MAN2A2: variants seen among roughly 807,000 people sequenced by gnomAD.
The protein encoded by MAN2A2 is mannosidase alpha class 2A member 2, also known as alpha-mannosidase 2x.
Under a neutral mutation model 126.8 loss-of-function variants are expected in MAN2A2, and 79 were observed. The observed-to-expected ratio is 0.62, with a 90% CI of 0.52 to 0.75. MAN2A2 has a LOEUF of 0.75. Among genes scored for constraint, MAN2A2 ranks in the 30% least tolerant of loss-of-function variants. The probability of loss-of-function intolerance (pLI) is 0.00; values close to 1 mark genes in which losing one functional copy is unlikely to be tolerated. For synonymous variants in MAN2A2, 671 were observed against 618.7 expected (o/e 1.08, Z -1.25); for missense variants, 1,392 against 1,522.4 (o/e 0.91, Z 1.43).
At chr15:90,904,458 C>A in intron 2 of MAN2A2, 119 bp downstream of exon 2, 2 of 1,108,656 alleles carry the variant, frequency 1.8e-6, no homozygotes, top group Non-Finnish European at 2.5e-6. Context: ...CAGTACAGGA[C>A]AGGAGCCTTC....
In MAN2A2 at chr15:90,911,385, G is replaced by A; in HGVS notation, c.1944G>A (p.Arg648=). Residue 648 remains arginine (R), a splice_region_variant and synonymous_variant, in exon 14 of 23, where the codon AGG becomes AGA. Transcript: ENST00000559717. ...RTVIQLDSSP[R]FVVLFNPLEQ... is the part of the protein sequence containing the mutation. ...GGGTCAGCCCACCTTCTACGCACAG[G>A]TTTGTGGTCCTATTCAACCCACTGG... The A allele has an allele frequency of 6.2e-7, 1 of 1,614,214 alleles. No individual in the cohort carries two copies. The highest frequency in any genetic ancestry group is 8.5e-7 in the Non-Finnish European group (1 of 1,180,018).
intron 2 of MAN2A2, among the ~76,000 whole-genome samples, chr15:90,904,771 G>C (rs2034129845): frequency 6.6e-6 from 1 of 152,066 alleles, no homozygotes; most frequent in Non-Finnish European, 1.5e-5. Flanking sequence ...TGTATTTTTA[G>C]TAGAGACGAG....
chr15:90,916,093 C>T (rs373979535), intron 19 of MAN2A2, 30 bp from the exon 20 acceptor site: 63 of 1,604,528 alleles, frequency 3.9e-5, no homozygotes, highest in South Asian at 7.7e-5. Context: ...GGGGTGGGGG[C>T]GGGCCAGCAC....
At chr15:90,913,898 C>A in intron 19 of MAN2A2, 143 bp downstream of exon 19, 2 of 1,149,830 alleles carry the variant, frequency 1.7e-6, no homozygotes, top group South Asian at 1.7e-5. Context: ...GCAAGCCATT[C>A]AGAGCTCTTG....
chr15:90,918,283 A>AG lies in MAN2A2; in HGVS notation c.3085dup (p.Ala1029GlyfsTer23). The AG allele has an allele frequency of 6.2e-7, 1 of 1,614,138 alleles. No homozygotes were observed. The highest frequency in any genetic ancestry group is 8.5e-7 in the Non-Finnish European group (1 of 1,180,018). On this transcript the variant is annotated frameshift_variant, in exon 21 of 23. Coordinates refer to ENST00000559717, the MANE Select transcript of MAN2A2 (RefSeq NM_006122.4). LOFTEE classifies it high-confidence loss of function. The stretch of plus-strand genomic sequence containing the variant: ...ACGCCCCGGCGCTCGCTCTGCCTGT[A>AG]GCCAGGATGCAGCTCCCAGGCCCTG...
In MAN2A2 at chr15:90,907,125, C is replaced by A. The variant is rs1169385766; in HGVS notation, c.1010-184C>A. 4.9e-6 allele frequency: 4 copies of A among 813,420 alleles called. No individual in the cohort carries two copies. In the African/African-American group the frequency reaches 6.9e-5, roughly 14 times the overall value. 50.4% of individuals were successfully genotyped at this position (813,420 alleles called of 1,614,324 possible). A position where few individuals can be genotyped will look rare whatever the true frequency, so the allele number is the denominator to read the frequency against. ...GCTGTCCCAAGGGCTTCAGCGTGCC[C>A]TGTGTGCCCGTCCCCTGAGGGAGCC... On this transcript the variant is annotated intron_variant, in intron 7 of 22. Transcript: ENST00000559717.
At chr15:90,919,366 G>A (rs1296088481) in intron 22 of MAN2A2, among the ~76,000 whole-genome samples, 1 of 152,242 alleles carries the variant, frequency 6.6e-6, no homozygotes, top group Non-Finnish European at 1.5e-5. Flanking sequence ...AGCCTCCCGA[G>A]TAGCTGGGAT....
rs146996561 is a variant in MAN2A2, at chr15:90,912,116, G to A, written c.2183G>A (p.Arg728His). ...CTACAGCTGGGCCTGGATGGGCACC[G>A]CACGCTGCCCTCCTCTGTGCGCATC... ...LQLQLGLDGH[R>H]TLPSSVRIYL... Residue 728 changes from arginine (R) to histidine (H), a missense_variant, in exon 15 of 23, where the codon CGC (arginine) becomes CAC (histidine). Coordinates refer to ENST00000559717, the MANE Select transcript of MAN2A2 (RefSeq NM_006122.4). The A allele has an allele frequency of 1.1e-5, 17 of 1,613,494 alleles. No homozygotes were observed. The highest frequency in any genetic ancestry group is 3.3e-5 in the Admixed American group (2 of 60,008).
chr15:90,912,347 C>T (rs1455845806), intron 15 of MAN2A2, 68 bp downstream of exon 15: 4 of 1,581,848 alleles, frequency 2.5e-6, no homozygotes, highest in Non-Finnish European at 3.5e-6. Flanking sequence ...TGGCACTGTG[C>T]AGAGCGGCCT....
chr15:90,909,697 G>T (rs1052025251), intron 9 of MAN2A2, among the ~76,000 whole-genome samples, 193 bp downstream of exon 9: 2 of 150,022 alleles, frequency 1.3e-5, no homozygotes, highest in Non-Finnish European at 3.0e-5. Flanking sequence ...TCCGCCTCCC[G>T]GGTTCACGCC....
chr15:90,915,848 A>G (rs2151323838), intron 19 of MAN2A2: 2 of 412,010 alleles, frequency 4.9e-6, no homozygotes, highest in East Asian at 7.9e-5. Flanking sequence ...CCCGTTCCCT[A>G]CTCCTGAGTC....
Position 90,912,224 on chromosome 15 carries a change from C to A in MAN2A2, c.2291C>A (p.Ala764Asp). Residue 764 changes from alanine (A) to aspartate (D), a missense_variant, in exon 15 of 23, where the codon GCC becomes GAC. Transcript: ENST00000559717. ...ATTGACTCTGGCACCAGCGACTTCG[C>A]CCTCAGCAACCGCTACATGCAGGTC... ...RVIDSGTSDF[A>D]LSNRYMQVWF... The A allele has an allele frequency of 6.2e-7, 1 of 1,614,250 alleles. No individual in the cohort carries two copies. Among genetic ancestry groups the A allele is most frequent in the Non-Finnish European group, 8.5e-7 (1 of 1,180,046 alleles).
chr15:90,903,861 G>C, intron 1 of MAN2A2: 1 of 384,718 alleles, frequency 2.6e-6, no homozygotes, highest in South Asian at 2.1e-5. Context: ...AGAAGCACAT[G>C]GCCGAGGAGC....
chr15:90,905,725 T>A lies in MAN2A2; in HGVS notation c.535+2T>A, dbSNP rs1281070944. ...TGCCCCACTCTCACAATGACCCAGG[T>A]GAGGGCCCTGCAGACTCCTGGGAGC... On this transcript the variant is annotated splice_donor_variant, in intron 4 of 22. Coordinates refer to ENST00000559717, the MANE Select transcript of MAN2A2 (RefSeq NM_006122.4). LOFTEE classifies it high-confidence loss of function. 17 of 1,613,604 alleles carry A rather than the reference T, an allele frequency of 1.1e-5. No individual in the cohort carries two copies. The highest frequency in any genetic ancestry group is 1.3e-5 in the African/African-American group (1 of 74,874).
At chr15:90,904,527 A>C (rs896289510) in intron 2 of MAN2A2, among the ~76,000 whole-genome samples, 188 bp downstream of exon 2, 2 of 102,960 alleles carry the variant, frequency 1.9e-5, no homozygotes, top group African/African-American at 1.1e-4. Context: ...GGCGAAAAGA[A>C]GGAAGGAAGA....
rs193081956 is a variant in MAN2A2, at chr15:90,921,032, C to T, written c.*1245C>T. On this transcript the variant is annotated 3_prime_UTR_variant, in exon 23 of 23. Transcript: ENST00000559717. Reference sequence around the variant, plus strand: ...AGTGATGGCATTCTAAAGAGTCAGACGCCACAGGCATTCCCATTAAAGTCA... The same window carrying T: ...AGTGATGGCATTCTAAAGAGTCAGATGCCACAGGCATTCCCATTAAAGTCA... 9.2e-5 allele frequency: 14 copies of T among 152,310 alleles called. No homozygotes were observed. In the East Asian group the frequency reaches 1.2e-3, roughly 13 times the overall value. 9.4% of individuals were successfully genotyped at this position (152,310 alleles called of 1,614,324 possible).
Position 90,905,287 on chromosome 15 carries a change from C to T in MAN2A2, c.169C>T (p.Leu57=). 3 of 1,613,718 alleles carry T rather than the reference C, an allele frequency of 1.9e-6. No homozygotes were observed. The highest frequency in any genetic ancestry group is 2.5e-6 in the Non-Finnish European group (3 of 1,180,032). Residue 57 remains leucine, a synonymous_variant, in exon 3 of 23, where the codon CTG becomes TTG. Transcript: ENST00000559717. ...ISVLQNRIEQ[L]EQLLEENHEI... Reference sequence around the variant, plus strand: ...TGTGCTGCAGAACCGCATTGAGCAGCTGGAGCAGCTTTTGGAGGAGAACCA... The same window carrying T: ...TGTGCTGCAGAACCGCATTGAGCAGTTGGAGCAGCTTTTGGAGGAGAACCA...
chr15:90,911,634 CCTGCTTGTGGCCCTGCTACTCTCCAGG>C, intron 14 of MAN2A2, 84 bp downstream of exon 14: 1 of 1,427,196 alleles, frequency 7.0e-7, no homozygotes, highest in Non-Finnish European at 9.4e-7. Context: ...CTCCCACCCT[CCTGCTTGTGGCCCTGCTACTCTCCAGG>C]CTGAGGACAA....
chr15:90,911,212 G>A lies in MAN2A2; in HGVS notation c.1917G>A (p.Thr639=), dbSNP rs149845032. 629 of 1,614,104 alleles carry A rather than the reference G, an allele frequency of 3.9e-4. 5 individuals are homozygous for A. In the East Asian group the frequency reaches 0.013, roughly 34 times the overall value. ...RLSHDALPER[T]VIQLDSSPRF... ...GTCACGACGCCCTCCCAGAGCGCAC[G>A]GTGATCCAGCTGGATTCCTCGCCCA... Residue 639 remains threonine, a synonymous_variant, in exon 13 of 23, where the codon ACG becomes ACA. Coordinates refer to ENST00000559717, the MANE Select transcript of MAN2A2 (RefSeq NM_006122.4).
Sources: gnomAD v4.1 joint callset for allele counts (sites outside exome capture counted in the v4.1 genomes callset) on GRCh38, gnomAD v4.1.1 for gene constraint, MANE v1.5 for transcripts, NCBI Gene and HGNC (gene_info 2026-07-23, HGNC 2026-07-21) for gene names.